MFN2: variants seen among roughly 807,000 people sequenced by gnomAD.
MFN2 encodes mitofusin-2.
A neutral mutation model predicts 87.5 loss-of-function variants in MFN2; 43 were observed. That is an observed-to-expected ratio of 0.49 (90% CI 0.38 to 0.63). The LOEUF is 0.63. Ranked by LOEUF, MFN2 falls within the 30% of genes least tolerant of loss-of-function variation. The pLI is 0.00. For synonymous variants in MFN2, 337 were observed against 359.9 expected, an observed-to-expected ratio of 0.94 and a Z score of 0.72; for missense variants, 743 against 972.8, an observed-to-expected ratio of 0.76 and a Z score of 3.14.
intron 5 of MFN2, among the ~76,000 whole-genome samples, chr1:11,997,058 GAATC>G (rs1356973685): frequency 3.5e-4 from 46 of 130,786 alleles, no homozygotes; most frequent in Admixed American, 3.1e-3. Flanking sequence ...AAAAAAAAAA[GAATC>G]AATCAGTGCA....
chr1:12,001,362 C>T (rs1160572778), intron 8 of MFN2, 39 bp from the exon 9 acceptor site: 1 of 1,610,930 alleles, frequency 6.2e-7, no homozygotes, highest in Admixed American at 1.7e-5. Flanking sequence ...GCTGTGGGGC[C>T]ACCTACACTC....
chr1:12,006,833 G>A, intron 16 of MFN2, 140 bp downstream of exon 16: 1 of 1,371,042 alleles, frequency 7.3e-7, no homozygotes, highest in Admixed American at 1.9e-5. Flanking sequence ...ATTGCATGGG[G>A]AGCGCTTACT....
chr1:11,998,104 G>C (rs1198829412), intron 6 of MFN2, among the ~76,000 whole-genome samples: 2 of 151,022 alleles, frequency 1.3e-5, no homozygotes, highest in Non-Finnish European at 3.0e-5. Flanking sequence ...GGCTGGTCTT[G>C]AACTGCTGAC....
chr1:11,982,402 C>T (rs1646002884), intron 2 of MFN2: 1 of 152,230 alleles, frequency 6.6e-6, no homozygotes, highest in Non-Finnish European at 1.5e-5. Context: ...TGTGCTGGCT[C>T]TTCCCCATCT....
Position 12,003,928 on chromosome 1 carries a change from C to G in MFN2, c.1161-64C>G. 1.2e-6 allele frequency: 2 copies of G among 1,609,556 alleles called. No homozygotes were observed. The highest frequency in any genetic ancestry group is 1.7e-4 in the Middle Eastern group (1 of 5,802). On this transcript the variant is annotated intron_variant, in intron 11 of 18. Coordinates refer to ENST00000235329, the MANE Select transcript of MFN2 (RefSeq NM_014874.4). This position sits in a 1 kb window ranked among gnomAD's most constrained non-coding sequence, Gnocchi z 4.1. The stretch of plus-strand genomic sequence containing the variant: ...CAGGGCGGCGTGGGATTTCTGGCAT[C>G]CCCTCTTGCTCCTCTGCTTAGTCAG...
intron 6 of MFN2, 99 bp downstream of exon 6, chr1:11,997,520 C>T: frequency 6.6e-7 from 1 of 1,526,548 alleles, no homozygotes; most frequent in South Asian, 1.1e-5. Context: ...CATCCTTGCT[C>T]TGCTTAAGTA....
chr1:11,987,649 G>C (rs1394982948), intron 2 of MFN2, among the ~76,000 whole-genome samples: 1 of 103,574 alleles, frequency 9.7e-6, no homozygotes, highest in African/African-American at 3.7e-5. Context: ...AAAAAAAAAT[G>C]TTGGCTGGGC....
At chr1:12,010,183 A>G (rs920148434) in intron 18 of MFN2, among the ~76,000 whole-genome samples, 1 of 152,182 alleles carries the variant, frequency 6.6e-6, no homozygotes. Context: ...GATGTGTACC[A>G]CGTACCTCAT....
intron 5 of MFN2, among the ~76,000 whole-genome samples, chr1:11,997,044 A>C (rs1456022042): frequency 1.3e-5 from 2 of 151,918 alleles, no homozygotes; most frequent in Non-Finnish European, 2.9e-5. Flanking sequence ...GTCTCAAAAA[A>C]AAAAAAAAAA....
intron 4 of MFN2, among the ~76,000 whole-genome samples, chr1:11,995,295 CA>C (rs1194654618): frequency 6.6e-6 from 1 of 151,614 alleles, no homozygotes; most frequent in Admixed American, 6.6e-5. Flanking sequence ...ACAACAACAA[CA>C]AAAAACCCCA....
rs924011766 is a variant in MFN2 at position 12,003,993 on chromosome 1, G to A, written c.1162G>A (p.Val388Ile). Reference protein sequence around the residue: ...SLHMAAREQQVYCEEMREERQ... With the variant: ...SLHMAAREQQIYCEEMREERQ... Reference sequence around the variant, plus strand: ...TTCTCACCAGTACTCTGCTTTCAGGGTTTACTGCGAGGAAATGCGTGAAGA... The same window carrying A: ...TTCTCACCAGTACTCTGCTTTCAGGATTTACTGCGAGGAAATGCGTGAAGA... Residue 388 changes from valine to isoleucine, a missense_variant and splice_region_variant, in exon 12 of 19, where the codon GTT (valine) becomes ATT (isoleucine). Around this residue, in one of 3 missense-constraint regions of MFN2, gnomAD observed 571 missense variants for 670.7 expected, o/e 0.85. Transcript: ENST00000235329. This position sits in a 1 kb window ranked among gnomAD's most constrained non-coding sequence, Gnocchi z 4.1. 2.4e-5 allele frequency: 38 copies of A among 1,614,196 alleles called. No individual in the cohort carries two copies. The highest frequency in any genetic ancestry group is 3.1e-5 in the Non-Finnish European group (37 of 1,180,028).
chr1:11,986,026 A>G (rs560990708), intron 2 of MFN2, among the ~76,000 whole-genome samples: 1 of 152,316 alleles, frequency 6.6e-6, no homozygotes, highest in South Asian at 2.1e-4. Context: ...GGAGGAATGT[A>G]GAAACGGAAG....
intron 6 of MFN2, among the ~76,000 whole-genome samples, chr1:11,998,070 G>A (rs1639000851): frequency 6.6e-6 from 1 of 150,884 alleles, no homozygotes; most frequent in Admixed American, 6.6e-5. Flanking sequence ...TTTTAGTAGA[G>A]ACGGGGTTTC....
chr1:12,002,915 A>G (rs1459961816), intron 11 of MFN2, among the ~76,000 whole-genome samples: 2 of 152,206 alleles, frequency 1.3e-5, no homozygotes, highest in East Asian at 3.8e-4. Flanking sequence ...TACATGCTTC[A>G]GATGTACAGA....
chr1:12,004,737 C>A lies in MFN2; in HGVS notation c.1393-88C>A. The A allele has an allele frequency of 6.6e-7, 1 of 1,504,126 alleles. No individual in the cohort carries two copies. The highest frequency in any genetic ancestry group is 9.2e-7 in the Non-Finnish European group (1 of 1,083,530). 93.2% of individuals were successfully genotyped at this position (1,504,126 alleles called of 1,614,324 possible). A position where few individuals can be genotyped will look rare whatever the true frequency, so the allele number is the denominator to read the frequency against. On this transcript the variant is annotated intron_variant, in intron 13 of 18. Coordinates refer to ENST00000235329, the MANE Select transcript of MFN2 (RefSeq NM_014874.4). This position sits in a 1 kb window ranked among gnomAD's most constrained non-coding sequence, Gnocchi z 4.2. ...GCCACAGAGACAAGGCCCAGGCTTC[C>A]GTCAGCCTTCTGGGGTCACCTGGTG...
chr1:11,997,065 T>G lies in MFN2; in HGVS notation c.475-232T>G, dbSNP rs115256192. Among the ~76,000 whole-genome samples the G allele has an allele frequency of 0.015, 2,212 of 146,898 alleles. 59 individuals are homozygous for G. The highest frequency in any genetic ancestry group is 0.052 in the African/African-American group (2,066 of 39,768). ...AAAAAAAAAAAAAAAAAAGAATCAA[T>G]CAGTGCAGAACAGATGACTTTAGGG... On this transcript the variant is annotated intron_variant, in intron 5 of 18. Transcript: ENST00000235329.
At chr1:11,998,633 G>A in intron 6 of MFN2, 137 bp from the exon 7 acceptor site, 1 of 801,204 alleles carries the variant, frequency 1.2e-6, no homozygotes, top group Non-Finnish European at 2.2e-6. Flanking sequence ...GTTAATGAGG[G>A]CCAGGCCTGA....
At chr1:11,986,322 G>A (rs1271867339) in intron 2 of MFN2, among the ~76,000 whole-genome samples, 1 of 152,214 alleles carries the variant, frequency 6.6e-6, no homozygotes, top group Admixed American at 6.5e-5. Flanking sequence ...AATCTAGAGA[G>A]AGTGAGCTTA....
At chr1:11,991,923 C>CAAAAAAAAAAAAA (rs35314016) in intron 3 of MFN2, among the ~76,000 whole-genome samples, 5 of 16,730 alleles carry the variant, frequency 3.0e-4, no homozygotes, top group Non-Finnish European at 5.9e-4. Context: ...GACTCCGTCT[C>CAAAAAAAAAAAAA]AAAAAAAAAA....
Sources: allele counts gnomAD v4.1 joint callset (sites outside exome capture counted in the v4.1 genomes callset), GRCh38; gene constraint gnomAD v4.1.1; regional missense constraint gnomAD v4.1.1; non-coding constraint Gnocchi (gnomAD v3.1); transcripts MANE v1.5; gene names NCBI Gene and HGNC (gene_info 2026-07-23, HGNC 2026-07-21).